Variants in CAMTA1 observed in about 807,000 individuals in gnomAD.
CAMTA1 encodes calmodulin binding transcription activator 1, also known as calmodulin-binding transcription activator 1.
Under a neutral mutation model 170.9 loss-of-function variants are expected in CAMTA1, and 27 were observed. That is an observed-to-expected ratio of 0.16 (90% CI 0.12 to 0.22). The LOEUF (loss-of-function observed/expected upper bound fraction) is 0.22. Among genes scored for constraint, CAMTA1 ranks in the 10% least tolerant of loss-of-function variants. CAMTA1 has a pLI of 1.00. For missense variants in CAMTA1, 1,619 were observed against 2,217.2 expected, an observed-to-expected ratio of 0.73 and a Z score of 5.42; for synonymous variants, 833 against 891.5, an observed-to-expected ratio of 0.93 and a Z score of 1.17.
chr1:6,789,804 CTTTTTTT>C lies in CAMTA1; in HGVS notation c.45+4247_45+4253del, dbSNP rs34542033. On this transcript the variant is annotated intron_variant, in intron 1 of 22. Transcript: ENST00000303635. ...TTATATTAATGACATTTTAGTGTAT[CTTTTTTT>C]TTTTTTTTTTTTTTTTTGAGACAGA... Among the ~76,000 whole-genome samples the C allele has an allele frequency of 6.2e-4, 53 of 85,676 alleles. No individual in the cohort carries two copies. In the East Asian group the frequency reaches 0.019, roughly 31 times the overall value. The allele number at this position is 85,676 out of a possible 152,430, so 56.2% of individuals were successfully genotyped here. A position where few individuals can be genotyped will look rare whatever the true frequency, so the allele number is the denominator to read the frequency against.
chr1:7,737,077 C>A, intron 14 of CAMTA1, 68 bp downstream of exon 14: 1 of 1,400,212 alleles, frequency 7.1e-7, no homozygotes, highest in South Asian at 1.2e-5. Flanking sequence ...TGCCTGGTTC[C>A]CACCGTTGTC....
intron 5 of CAMTA1, among the ~76,000 whole-genome samples, chr1:7,418,636 A>T (rs1051316805): frequency 1.3e-5 from 2 of 152,204 alleles, no homozygotes; most frequent in Non-Finnish European, 2.9e-5. Context: ...TCCACTCCAC[A>T]TCGCCACTTG....
intron 5 of CAMTA1, among the ~76,000 whole-genome samples, chr1:7,385,112 CAG>C (rs1327317237): frequency 1.1e-4 from 14 of 129,912 alleles, no homozygotes; most frequent in African/African-American, 4.3e-4. Context: ...TTTTTTGAGA[CAG>C]AGTCTCGCTC....
chr1:7,416,341 A>G (rs2091170656), intron 5 of CAMTA1, among the ~76,000 whole-genome samples: 2 of 152,186 alleles, frequency 1.3e-5, no homozygotes, highest in Admixed American at 1.3e-4. Flanking sequence ...CCTGGATAAT[A>G]TCCTGCAGAG....
chr1:7,003,670 A>G (rs1698569904), intron 3 of CAMTA1, among the ~76,000 whole-genome samples: 1 of 152,248 alleles, frequency 6.6e-6, no homozygotes, highest in Admixed American at 6.5e-5. Context: ...TCATGCAGGT[A>G]GGTTGGTGAT....
At chr1:7,688,635 T>C (rs1400483101) in intron 11 of CAMTA1, among the ~76,000 whole-genome samples, 1 of 152,172 alleles carries the variant, frequency 6.6e-6, no homozygotes, top group African/African-American at 2.4e-5. Context: ...TGTGAATTCC[T>C]AGTGGTCCTG....
intron 3 of CAMTA1, among the ~76,000 whole-genome samples, chr1:7,080,911 G>T (rs934675886): frequency 2.6e-5 from 4 of 152,196 alleles, no homozygotes; most frequent in Non-Finnish European, 5.9e-5. Context: ...AATATCAGGG[G>T]TAAAGCAGCA....
chr1:7,358,827 G>A (rs893922228), intron 5 of CAMTA1, among the ~76,000 whole-genome samples: 2 of 152,160 alleles, frequency 1.3e-5, no homozygotes, highest in African/African-American at 4.8e-5. Context: ...GCTGTGGAAT[G>A]TGTTGTTTAT....
At chr1:7,074,740 CT>C (rs760829800) in intron 3 of CAMTA1, among the ~76,000 whole-genome samples, 22 of 152,176 alleles carry the variant, frequency 1.4e-4, no homozygotes, top group African/African-American at 2.2e-4. Context: ...GTTTTAAGTA[CT>C]TTACATAAAT....
chr1:6,837,403 T>C (rs575986365), intron 3 of CAMTA1, among the ~76,000 whole-genome samples: 11 of 152,224 alleles, frequency 7.2e-5, no homozygotes, highest in Non-Finnish European at 1.6e-4. Flanking sequence ...AAGATGGGGA[T>C]CTTTTTTAGG....
chr1:7,477,386 T>A (rs2149598810), intron 6 of CAMTA1, among the ~76,000 whole-genome samples: 1 of 152,180 alleles, frequency 6.6e-6, no homozygotes, highest in South Asian at 2.1e-4. Context: ...CCATTTAATG[T>A]CCCTTGAATA....
At position 7,737,988 on chromosome 1, in the gene CAMTA1, A is replaced by C. The variant is rs779739176; in HGVS notation, c.3688A>C (p.Asn1230His). 2 of 1,612,958 alleles carry C rather than the reference A, an allele frequency of 1.2e-6. No individual in the cohort carries two copies. Among genetic ancestry groups the C allele is most frequent in the Non-Finnish European group, 1.7e-6 (2 of 1,179,178 alleles). ...ELRRPRSEPS[N>H]YYSSESHKDY... ...GAGAAGACCTCGTTCTGAACCCTCT[A>C]ATTACTACAGCAGTGAGAGCCACAA... is the stretch of plus-strand genomic sequence containing the variant. The change falls in exon 16 of 23, where the codon AAT (asparagine) becomes CAT (histidine). Residue 1230 changes from asparagine (N) to histidine (H), a missense_variant. Asn to His is a moderately conservative substitution (Grantham distance 68). This residue lies in a region of CAMTA1 where 370 missense variants were observed against 429.4 expected (regional missense o/e 0.86). Coordinates refer to ENST00000303635, the MANE Select transcript of CAMTA1 (RefSeq NM_015215.4).
chr1:7,541,701 C>T (rs1341969323), intron 6 of CAMTA1, among the ~76,000 whole-genome samples: 2 of 152,210 alleles, frequency 1.3e-5, no homozygotes, highest in East Asian at 3.8e-4. Flanking sequence ...TTCCCCCAAA[C>T]CCCCACTGCA....
At chr1:7,383,471 A>C (rs1211392201) in intron 5 of CAMTA1, among the ~76,000 whole-genome samples, 1 of 152,228 alleles carries the variant, frequency 6.6e-6, no homozygotes, top group Non-Finnish European at 1.5e-5. Context: ...ACCTTGGACA[A>C]GTTAGGTTAA....
chr1:7,542,204 T>C (rs775891391), intron 6 of CAMTA1, among the ~76,000 whole-genome samples: 44 of 152,310 alleles, frequency 2.9e-4, no homozygotes, highest in South Asian at 1.0e-3. Flanking sequence ...AAACCACCTA[T>C]AATCCCATCA....
At chr1:7,742,531 C>A (rs1475680382) in intron 16 of CAMTA1, among the ~76,000 whole-genome samples, 1 of 152,074 alleles carries the variant, frequency 6.6e-6, no homozygotes, top group African/African-American at 2.4e-5. Context: ...GAATAAAAAT[C>A]CAAAGCTACC....
Position 7,738,514 on chromosome 1 carries a change from G to C in CAMTA1, c.4182+32G>C, listed in dbSNP as rs776874245. 6.3e-7 allele frequency: 1 copy of C among 1,593,962 alleles called. No individual in the cohort carries two copies. The highest frequency in any genetic ancestry group is 8.6e-7 in the Non-Finnish European group (1 of 1,168,034). On this transcript the variant is annotated intron_variant, in intron 16 of 22. Coordinates refer to ENST00000303635, the MANE Select transcript of CAMTA1 (RefSeq NM_015215.4). This position sits in a 1 kb window ranked among gnomAD's most constrained non-coding sequence, Gnocchi z 4.9. Reference sequence around the variant, plus strand: ...AGCAGGGACAGGGTAAGCCCGCAGAGGCTGGTGCGTTCCAGTTGCTGTGAT... The same window carrying C: ...AGCAGGGACAGGGTAAGCCCGCAGACGCTGGTGCGTTCCAGTTGCTGTGAT...
rs78191966 is a variant in CAMTA1 at position 7,620,346 on chromosome 1, A to G, written c.511-20054A>G. The stretch of plus-strand genomic sequence containing the variant: ...AAGAGTTATACAGCCCCAAGTGTCT[A>G]CAGTTGTGAGGCTGAGAAACCTCAT... On this transcript the variant is annotated intron_variant, in intron 6 of 22. Coordinates refer to ENST00000303635, the MANE Select transcript of CAMTA1 (RefSeq NM_015215.4). 5.0e-3 allele frequency among the ~76,000 whole-genome samples: 757 copies of G among 152,274 alleles called. 5 individuals are homozygous for G. Among genetic ancestry groups the G allele is most frequent in the African/African-American group, 0.017 (707 of 41,556 alleles).
intron 4 of CAMTA1, among the ~76,000 whole-genome samples, chr1:7,141,680 G>A (rs1221101164): frequency 1.3e-5 from 2 of 152,214 alleles, no homozygotes; most frequent in Non-Finnish European, 2.9e-5. Context: ...AGTCTGGCAC[G>A]CAGCAAGTGC....
Sources: gnomAD v4.1 joint callset for allele counts (sites outside exome capture counted in the v4.1 genomes callset) on GRCh38, gnomAD v4.1.1 for gene constraint, gnomAD v4.1.1 regional missense constraint, Gnocchi (gnomAD v3.1) non-coding constraint, MANE v1.5 for transcripts, NCBI Gene and HGNC (gene_info 2026-07-23, HGNC 2026-07-21) for gene names.